SLC35F3: variants seen among roughly 807,000 people sequenced by gnomAD.
SLC35F3 encodes putative thiamine transporter SLC35F3.
In SLC35F3, 25 loss-of-function variants were observed where a neutral mutation model predicts 49.9. That is an observed-to-expected ratio of 0.50 (90% CI 0.37 to 0.70). The LOEUF is 0.70. Ranked by LOEUF, SLC35F3 falls within the 30% of genes least tolerant of loss-of-function variation. The pLI is 0.00. For missense variants in SLC35F3, 525 were observed against 639.8 expected (o/e 0.82, Z 1.94); for synonymous variants, 275 against 265.4 (o/e 1.04, Z -0.35).
intron 2 of SLC35F3, among the ~76,000 whole-genome samples, chr1:234,182,000 A>G (rs1666565159): frequency 6.6e-6 from 1 of 152,214 alleles, no homozygotes; most frequent in Admixed American, 6.5e-5. Flanking sequence ...TCCTCTCATC[A>G]ATGATTTGAT....
chr1:234,205,418 G>T (rs532551256), intron 2 of SLC35F3, among the ~76,000 whole-genome samples: 2 of 152,206 alleles, frequency 1.3e-5, no homozygotes, highest in African/African-American at 4.8e-5. Context: ...CTGAGATCGC[G>T]CCAGTGCACT....
intron 1 of SLC35F3, 110 bp downstream of exon 1, chr1:233,905,240 G>A (rs1661752936): frequency 1.7e-6 from 2 of 1,209,112 alleles, no homozygotes; most frequent in African/African-American, 1.5e-5. Flanking sequence ...GGGGAAGGGC[G>A]GCGCGCGCGG....
chr1:233,955,993 T>C (rs995466078), intron 2 of SLC35F3, among the ~76,000 whole-genome samples: 1 of 149,926 alleles, frequency 6.7e-6, no homozygotes, highest in Admixed American at 6.7e-5. Context: ...GTTCAGGCTA[T>C]TCTTCTGCCT....
At chr1:234,028,885 C>T (rs1445226122) in intron 2 of SLC35F3, among the ~76,000 whole-genome samples, 2 of 152,064 alleles carry the variant, frequency 1.3e-5, no homozygotes, top group South Asian at 4.2e-4. Context: ...ATGGTTTGGA[C>T]AAGCTGCCAT....
chr1:234,069,904 CT>C (rs1284410081), intron 2 of SLC35F3, among the ~76,000 whole-genome samples: 1 of 152,184 alleles, frequency 6.6e-6, no homozygotes, highest in Non-Finnish European at 1.5e-5. Context: ...TGGCTGCCAG[CT>C]TCTGTGTGCC....
chr1:234,123,940 G>C (rs1386812914), intron 2 of SLC35F3, among the ~76,000 whole-genome samples: 6 of 152,164 alleles, frequency 3.9e-5, no homozygotes, highest in Non-Finnish European at 8.8e-5. Flanking sequence ...TTGGTGATTT[G>C]AGTTAGCCAA....
At chr1:234,084,918 G>T (rs1433087202) in intron 2 of SLC35F3, among the ~76,000 whole-genome samples, 1 of 152,226 alleles carries the variant, frequency 6.6e-6, no homozygotes, top group Non-Finnish European at 1.5e-5. Context: ...ATATTCTGCA[G>T]TCAGCCTAAA....
chr1:234,178,460 G>C, intron 2 of SLC35F3, among the ~76,000 whole-genome samples: 1 of 91,742 alleles, frequency 1.1e-5, no homozygotes, highest in East Asian at 2.0e-4. Flanking sequence ...CCTCTCCTAA[G>C]GAAAAAAAAA....
intron 3 of SLC35F3, among the ~76,000 whole-genome samples, chr1:234,236,212 G>A (rs1192528453): frequency 6.6e-6 from 1 of 152,102 alleles, no homozygotes; most frequent in Non-Finnish European, 1.5e-5. Flanking sequence ...GGGCTGAGGA[G>A]GGCAGATTGA....
At chr1:234,252,839 A>G (rs975590370) in intron 3 of SLC35F3, among the ~76,000 whole-genome samples, 2 of 152,226 alleles carry the variant, frequency 1.3e-5, no homozygotes, top group African/African-American at 4.8e-5. Flanking sequence ...TCACAAAGGC[A>G]TATCTGCTTT....
intron 2 of SLC35F3, among the ~76,000 whole-genome samples, chr1:233,974,363 T>C (rs1663044815): frequency 6.6e-6 from 1 of 151,986 alleles, no homozygotes; most frequent in South Asian, 2.1e-4. Flanking sequence ...TTTGTATTTT[T>C]AGTAGACGTA....
At chr1:234,259,690 A>G (rs1057353290) in intron 3 of SLC35F3, among the ~76,000 whole-genome samples, 9 of 146,328 alleles carry the variant, frequency 6.2e-5, no homozygotes, top group East Asian at 1.9e-4. Flanking sequence ...TAATAATGAT[A>G]ATAATAATAA....
intron 2 of SLC35F3, among the ~76,000 whole-genome samples, chr1:234,158,371 G>A (rs1007446105): frequency 6.6e-6 from 1 of 151,970 alleles, no homozygotes; most frequent in South Asian, 2.1e-4. Flanking sequence ...CCCAACAATG[G>A]GATAGTTGTC....
At chr1:234,232,834 C>T (rs1034063914) in intron 3 of SLC35F3, among the ~76,000 whole-genome samples, 6 of 152,146 alleles carry the variant, frequency 3.9e-5, no homozygotes, top group East Asian at 3.8e-4. Flanking sequence ...AATTTCTTTC[C>T]GGGAATCTAC....
Position 234,224,837 on chromosome 1 carries a change from T to C in SLC35F3, c.284-6580T>C, listed in dbSNP as rs567684905. ...CCATCATGATGGATATAAAAAGATA[T>C]GTAACATCTACTGGCAGAGAGTGTG... On this transcript the variant is annotated intron_variant, in intron 2 of 7. Coordinates refer to ENST00000366618, the MANE Select transcript of SLC35F3 (RefSeq NM_173508.4). Among the ~76,000 whole-genome samples, 6 of 152,342 alleles carry C rather than the reference T, an allele frequency of 3.9e-5. No homozygotes were observed. In the South Asian group the frequency reaches 1.0e-3, roughly 26 times the overall value.
At chr1:234,203,184 T>C (rs1209998679) in intron 2 of SLC35F3, among the ~76,000 whole-genome samples, 1 of 152,258 alleles carries the variant, frequency 6.6e-6, no homozygotes, top group Non-Finnish European at 1.5e-5. Context: ...CATTTACTTT[T>C]GTTGCTTTAA....
At chr1:234,084,163 TATCATTCTCATGA>T (rs1470683872) in intron 2 of SLC35F3, among the ~76,000 whole-genome samples, 1 of 151,940 alleles carries the variant, frequency 6.6e-6, no homozygotes, top group East Asian at 1.9e-4. Flanking sequence ...AACAAGCAAT[TATCATTCTCATGA>T]GGCATTTTCT....
chr1:234,246,510 G>C (rs966356315), intron 3 of SLC35F3, among the ~76,000 whole-genome samples: 1 of 152,168 alleles, frequency 6.6e-6, no homozygotes, highest in Admixed American at 6.5e-5. Context: ...AACTACTCTG[G>C]AGCTGCCAAA....
Position 234,323,021 on chromosome 1 carries a change from C to T in SLC35F3, c.1251C>T (p.Tyr417=), listed in dbSNP as rs1221382433. The T allele has an allele frequency of 6.2e-7, 1 of 1,613,876 alleles. No homozygotes were observed. The highest frequency in any genetic ancestry group is 8.5e-7 in the Non-Finnish European group (1 of 1,179,980). The part of the protein sequence containing the change: ...SIPVNAVIDH[Y]TSQIVFNGVR... Reference sequence around the variant, plus strand: ...TGTCTCCCACAGTGATTGATCACTACACCAGTCAGATCGTCTTCAATGGGG... The same window carrying T: ...TGTCTCCCACAGTGATTGATCACTATACCAGTCAGATCGTCTTCAATGGGG... The change falls in exon 8 of 8, where the codon TAC becomes TAT. Residue 417 remains tyrosine, a synonymous_variant. Transcript: ENST00000366618. The surrounding 1 kb of genome is among the most constrained non-coding windows in gnomAD (Gnocchi z 4.5).
Sources: allele counts gnomAD v4.1 joint callset (sites outside exome capture counted in the v4.1 genomes callset), GRCh38; gene constraint gnomAD v4.1.1; non-coding constraint Gnocchi (gnomAD v3.1); transcripts MANE v1.5; gene names NCBI Gene and HGNC (gene_info 2026-07-23, HGNC 2026-07-21).